The following FARS2 variants were observed in gnomAD, a reference collection of about 807,000 sequenced individuals.
The protein encoded by FARS2 is phenylalanine--tRNA ligase, mitochondrial.
In FARS2, 40 loss-of-function variants were observed where a neutral mutation model predicts 46.4. The observed-to-expected ratio is 0.86, with a 90% CI of 0.67 to 1.12. The LOEUF (loss-of-function observed/expected upper bound fraction) is 1.12. Ranked by LOEUF, FARS2 falls within the 50% of genes most tolerant of loss-of-function variation. The pLI is 0.00. For missense variants in FARS2, 513 were observed against 567.9 expected, an observed-to-expected ratio of 0.90 and a Z score of 0.98; for synonymous variants, 234 against 214.9, an observed-to-expected ratio of 1.09 and a Z score of -0.78.
In FARS2 at chr6:5,459,873, A is replaced by G. The variant is rs543292284; in HGVS notation, c.904+28701A>G. Among the ~76,000 whole-genome samples the G allele has an allele frequency of 8.5e-4, 130 of 152,228 alleles. 3 individuals carry two copies. The South Asian group carries it at 0.026, about 31-fold the overall frequency. ...TTTGGAATCATTCTCTGTATCTCTA[A>G]GTAACATGTTCGTATTGCTGCTCCT... On this transcript the variant is annotated intron_variant, in intron 4 of 6. Transcript: ENST00000274680.
At chr6:5,427,470 G>A (rs1332458759) in intron 3 of FARS2, among the ~76,000 whole-genome samples, 1 of 152,194 alleles carries the variant, frequency 6.6e-6, no homozygotes, top group Non-Finnish European at 1.5e-5. Context: ...AATGAATGGT[G>A]TATAGATTTG....
chr6:5,529,347 C>CCCCTCAGA (rs1769672475), intron 4 of FARS2, among the ~76,000 whole-genome samples: 2 of 152,086 alleles, frequency 1.3e-5, no homozygotes, highest in Non-Finnish European at 2.9e-5. Flanking sequence ...CTCACTCTGT[C>CCCCTCAGA]GCCTGGCTGC....
At chr6:5,638,199 G>A (rs1776635987) in intron 6 of FARS2, among the ~76,000 whole-genome samples, 1 of 152,204 alleles carries the variant, frequency 6.6e-6, no homozygotes, top group Admixed American at 6.5e-5. Flanking sequence ...GCTCTGCTAA[G>A]TTACAATGAA....
intron 2 of FARS2, among the ~76,000 whole-genome samples, chr6:5,379,161 T>C (rs1375459900): frequency 6.6e-6 from 1 of 152,222 alleles, no homozygotes; most frequent in African/African-American, 2.4e-5. Context: ...GGTGCCACTC[T>C]ATCTCTTTTT....
intron 6 of FARS2, among the ~76,000 whole-genome samples, chr6:5,703,725 C>A (rs1396837097): frequency 6.6e-6 from 1 of 152,160 alleles, no homozygotes; most frequent in Non-Finnish European, 1.5e-5. Flanking sequence ...CCTCTGCTTC[C>A]GTGCAAAGGT....
At chr6:5,674,059 C>T (rs1459382288) in intron 6 of FARS2, among the ~76,000 whole-genome samples, 1 of 151,770 alleles carries the variant, frequency 6.6e-6, no homozygotes, top group Non-Finnish European at 1.5e-5. Context: ...TGGAAGGTAT[C>T]AGTGTTCGGT....
At chr6:5,434,834 C>G (rs1763430127) in intron 4 of FARS2, among the ~76,000 whole-genome samples, 1 of 152,004 alleles carries the variant, frequency 6.6e-6, no homozygotes. Flanking sequence ...AGAGAACTTC[C>G]AAGAAACAAT....
chr6:5,278,132 C>T (rs571466828), intron 1 of FARS2, among the ~76,000 whole-genome samples: 2 of 152,284 alleles, frequency 1.3e-5, no homozygotes, highest in East Asian at 3.9e-4. Context: ...CTGAACAGAG[C>T]CCTGAAAGAT....
At chr6:5,328,498 C>T (rs1770557784) in intron 1 of FARS2, among the ~76,000 whole-genome samples, 1 of 152,200 alleles carries the variant, frequency 6.6e-6, no homozygotes, top group African/African-American at 2.4e-5. Context: ...GACGCAGGTT[C>T]TGGCTGAGCT....
At chr6:5,383,023 A>T (rs1473862940) in intron 2 of FARS2, among the ~76,000 whole-genome samples, 3 of 152,200 alleles carry the variant, frequency 2.0e-5, no homozygotes, top group African/African-American at 7.2e-5. Context: ...TTGCCTGTTC[A>T]AGTATTAATC....
intron 3 of FARS2, among the ~76,000 whole-genome samples, chr6:5,413,370 G>T (rs935142266): frequency 4.6e-5 from 7 of 152,012 alleles, no homozygotes; most frequent in African/African-American, 1.7e-4. Flanking sequence ...GAAAATTTTA[G>T]GGCTGCTGTA....
chr6:5,520,969 C>T (rs779057828), intron 4 of FARS2, among the ~76,000 whole-genome samples: 2 of 152,168 alleles, frequency 1.3e-5, no homozygotes, highest in African/African-American at 2.4e-5. Flanking sequence ...CTTCTTTTGA[C>T]AGGTGTTGTT....
At position 5,422,835 on chromosome 6, in the gene FARS2, T is replaced by C. The variant is rs532487105; in HGVS notation, c.773-8206T>C. 2.6e-5 allele frequency among the ~76,000 whole-genome samples: 4 copies of C among 152,332 alleles called. No individual in the cohort carries two copies. The South Asian group carries it at 8.3e-4, about 32-fold the overall frequency. ...AAGTGAGATGTTTCAGATTATGAGC[T>C]GAATTTCATGACATTCAATGAAAAA... On this transcript the variant is annotated intron_variant, in intron 3 of 6. Transcript: ENST00000274680.
chr6:5,280,943 C>T lies in FARS2; in HGVS notation c.-22+19283C>T, dbSNP rs1026764147. ...TACTATTGGCATTGTATTTTCCTTCCATTTTTAATTTTTGATTTATATTAT... is the reference window on the plus strand; with the variant it reads ...TACTATTGGCATTGTATTTTCCTTCTATTTTTAATTTTTGATTTATATTAT... On this transcript the variant is annotated intron_variant, in intron 1 of 6. Coordinates refer to ENST00000274680, the MANE Select transcript of FARS2 (RefSeq NM_006567.5). Among the ~76,000 whole-genome samples, 6 of 152,140 alleles carry T rather than the reference C, an allele frequency of 3.9e-5. No homozygotes were observed. In the South Asian group the frequency reaches 6.2e-4, roughly 16 times the overall value.
At chr6:5,256,594 T>C (rs1339453679), upstream of FARS2, among the ~76,000 whole-genome samples, 2 of 148,628 alleles carry the variant, frequency 1.3e-5, no homozygotes, top group African/African-American at 4.9e-5. Flanking sequence ...GGATCAATTA[T>C]GACTCTCATT....
chr6:5,593,866 T>C (rs1279917354), intron 5 of FARS2, among the ~76,000 whole-genome samples: 1 of 152,194 alleles, frequency 6.6e-6, no homozygotes, highest in East Asian at 1.9e-4. Context: ...CTCATTGCTA[T>C]TGTTCAAACA....
At chr6:5,728,929 G>A (rs1760446651) in intron 6 of FARS2, among the ~76,000 whole-genome samples, 1 of 152,152 alleles carries the variant, frequency 6.6e-6, no homozygotes, top group African/African-American at 2.4e-5. Context: ...TTTGAAGGTG[G>A]TAGACGGGGA....
At chr6:5,426,752 A>G (rs1249387572) in intron 3 of FARS2, among the ~76,000 whole-genome samples, 1 of 152,150 alleles carries the variant, frequency 6.6e-6, no homozygotes, top group African/African-American at 2.4e-5. Flanking sequence ...CAGCCTCCCA[A>G]GTAGCTGGTA....
chr6:5,532,003 A>G (rs999277754), intron 4 of FARS2, among the ~76,000 whole-genome samples: 6 of 152,230 alleles, frequency 3.9e-5, no homozygotes, highest in Non-Finnish European at 8.8e-5. Context: ...CAGTTCACTC[A>G]GTAGGTTTGT....
Sources: allele counts gnomAD v4.1 joint callset (sites outside exome capture counted in the v4.1 genomes callset), GRCh38; gene constraint gnomAD v4.1.1; transcripts MANE v1.5; gene names NCBI Gene and HGNC (gene_info 2026-07-23, HGNC 2026-07-21).